The following DHX30 variants were observed in gnomAD, a reference collection of about 807,000 sequenced individuals.
The protein encoded by DHX30 is DExH-box helicase 30, also known as ATP-dependent RNA helicase DHX30.
A neutral mutation model predicts 116.9 loss-of-function variants in DHX30; 4 were observed. That is an observed-to-expected ratio of 0.03 (90% confidence interval 0.02 to 0.08). The LOEUF (loss-of-function observed/expected upper bound fraction) is 0.08, where lower values mean the gene tolerates loss of function less well. Among genes scored for constraint, DHX30 ranks in the 10% least tolerant of loss-of-function variants. The probability of loss-of-function intolerance (pLI) is 1.00; values close to 1 mark genes in which losing one functional copy is unlikely to be tolerated. For missense variants in DHX30, 871 were observed against 1,595.1 expected (o/e 0.55, Z 7.73); for synonymous variants, 697 against 651.7 (o/e 1.07, Z -1.06).
chr3:47,846,399 A>G lies in DHX30; in HGVS notation c.1327A>G (p.Ile443Val). The part of the protein sequence containing the change: ...QLPVDPHRDT[I>V]LNAIEQHPVV... The stretch of plus-strand genomic sequence containing the variant: ...ACCTGTGGACCCACATCGGGACACC[A>G]TCCTCAACGCCATTGAGCAGCACCC... The change falls in exon 11 of 22, where the codon ATC (isoleucine) becomes GTC (valine). Residue 443 changes from isoleucine to valine, a missense_variant. Around this residue, in one of 13 missense-constraint regions of DHX30, gnomAD observed 175 missense variants for 292.9 expected, o/e 0.60. Coordinates refer to ENST00000445061, the MANE Select transcript of DHX30 (RefSeq NM_138615.3). The G allele has an allele frequency of 6.2e-7, 1 of 1,614,122 alleles. No homozygotes were observed. Among genetic ancestry groups the G allele is most frequent in the Non-Finnish European group, 8.5e-7 (1 of 1,180,036 alleles).
At chr3:47,810,247 G>T (rs761329216) in intron 2 of DHX30, among the ~76,000 whole-genome samples, 1 of 152,144 alleles carries the variant, frequency 6.6e-6, no homozygotes, top group Non-Finnish European at 1.5e-5. Context: ...GGTCCATGTA[G>T]AATTTCGTTT....
chr3:47,842,710 A>T (rs2037436242), intron 8 of DHX30: 1 of 160,972 alleles, frequency 6.2e-6, no homozygotes, highest in Non-Finnish European at 1.4e-5. Context: ...AACTCGCCTA[A>T]GTACAACAGT....
chr3:47,816,427 G>A lies in DHX30; in HGVS notation c.29-1595G>A, dbSNP rs1019665844. The A allele has an allele frequency of 9.4e-5, 92 of 979,034 alleles. No individual in the cohort carries two copies. In the African/African-American group the frequency reaches 1.5e-3, roughly 16 times the overall value. 60.6% of individuals were successfully genotyped at this position (979,034 alleles called of 1,614,324 possible). On this transcript the variant is annotated intron_variant, in intron 3 of 21. Coordinates refer to ENST00000445061, the MANE Select transcript of DHX30 (RefSeq NM_138615.3). ...GGCTGGAGTGCAATGGCGCGATCTC[G>A]GCTCACTGCATCCTCCGCCTCCCGG...
At chr3:47,818,300 A>G (rs1272576100) in intron 4 of DHX30, among the ~76,000 whole-genome samples, 183 bp downstream of exon 4, 3 of 152,112 alleles carry the variant, frequency 2.0e-5, no homozygotes, top group African/African-American at 4.8e-5. Context: ...TTTTTTCATG[A>G]TCCCTTGACT....
intron 3 of DHX30, among the ~76,000 whole-genome samples, chr3:47,815,587 G>A (rs2036012608): frequency 6.6e-6 from 1 of 152,060 alleles, no homozygotes; most frequent in Non-Finnish European, 1.5e-5. Flanking sequence ...TAACAAAGCT[G>A]TTGGTAAGAA....
chr3:47,821,510 C>T (rs2036298516), intron 4 of DHX30, among the ~76,000 whole-genome samples: 1 of 151,166 alleles, frequency 6.6e-6, no homozygotes, highest in Non-Finnish European at 1.5e-5. Flanking sequence ...CTCAGGCAAT[C>T]TGCCCGCTTC....
chr3:47,824,053 A>T (rs2036422877), intron 4 of DHX30, among the ~76,000 whole-genome samples: 1 of 144,780 alleles, frequency 6.9e-6, no homozygotes, highest in Non-Finnish European at 1.5e-5. Flanking sequence ...CCCAGGCTGA[A>T]GTGCAGTGGC....
rs375862813 is a variant in DHX30 at position 47,848,569 on chromosome 3, G to A, written c.2575+19G>A. On this transcript the variant is annotated intron_variant, in intron 16 of 21. Transcript: ENST00000445061. The surrounding 1 kb of genome is among the most constrained non-coding windows in gnomAD (Gnocchi z 9.4). The stretch of plus-strand genomic sequence containing the variant: ...GAGATCGGTATGTAGGGGCTGGGCT[G>A]GGCTGGGCTGGGGAGTGGCTCTCGA... 1.7e-5 allele frequency: 28 copies of A among 1,613,898 alleles called. No homozygotes were observed. The highest frequency in any genetic ancestry group is 2.4e-5 in the Non-Finnish European group (28 of 1,179,994).
intron 6 of DHX30, among the ~76,000 whole-genome samples, chr3:47,834,228 C>T (rs1307081664): frequency 2.6e-5 from 4 of 152,058 alleles, no homozygotes; most frequent in South Asian, 2.1e-4. Context: ...CTCAGCCTCC[C>T]GAGTAGCTGG....
chr3:47,828,025 A>AT (rs945492811), intron 5 of DHX30, among the ~76,000 whole-genome samples: 1 of 151,518 alleles, frequency 6.6e-6, no homozygotes, highest in Non-Finnish European at 1.5e-5. Context: ...CACTCGTCTA[A>AT]TTTTTTTTAT....
At chr3:47,845,548 C>A in intron 9 of DHX30, 152 bp from the exon 10 acceptor site, 1 of 791,360 alleles carries the variant, frequency 1.3e-6, no homozygotes, top group Non-Finnish European at 1.8e-6. Context: ...TTTCCTAGTT[C>A]ATAATTTCTC....
chr3:47,812,412 G>A (rs143706934), intron 3 of DHX30, among the ~76,000 whole-genome samples: 96 of 150,300 alleles, frequency 6.4e-4, no homozygotes, highest in African/African-American at 2.2e-3. Context: ...CAGAAAATTA[G>A]CTAGGCGTGG....
At position 47,829,006 on chromosome 3, in the gene DHX30, C is replaced by T; in HGVS notation, c.256-18C>T. ...TCTGGAGTGGCAAGACTTCTGATTT[C>T]TCTCTTCTCTTCCCCAGAAAGTCAC... is the stretch of plus-strand genomic sequence containing the variant. On this transcript the variant is annotated intron_variant, in intron 5 of 21. Coordinates refer to ENST00000445061, the MANE Select transcript of DHX30 (RefSeq NM_138615.3). 6.5e-7 allele frequency: 1 copy of T among 1,540,404 alleles called. No homozygotes were observed. Among genetic ancestry groups the T allele is most frequent in the Non-Finnish European group, 8.9e-7 (1 of 1,117,884 alleles).
At position 47,818,066 on chromosome 3, in the gene DHX30, C is replaced by T. The variant is rs370921443; in HGVS notation, c.73C>T (p.Arg25Cys). 10 of 780,934 alleles carry T rather than the reference C, an allele frequency of 1.3e-5. No homozygotes were observed. Among genetic ancestry groups the T allele is most frequent in the East Asian group, 2.4e-5 (1 of 41,258 alleles). 48.4% of individuals were successfully genotyped at this position (780,934 alleles called of 1,614,324 possible). A position where few individuals can be genotyped will look rare whatever the true frequency, so the allele number is the denominator to read the frequency against. ...GCGTCAGTGCAAACTTCCCCCACCC[C>T]GCCTTCCACCCATGTGTGTCAACCC... ...RQRQCKLPPP[R>C]LPPMCVNPTP... Residue 25 changes from arginine to cysteine, a missense_variant, in exon 4 of 22, where the codon CGC (arginine) becomes TGC (cysteine). Arg to Cys is a radical substitution (Grantham distance 180). Coordinates refer to ENST00000445061, the MANE Select transcript of DHX30 (RefSeq NM_138615.3).
chr3:47,843,282 G>T, intron 9 of DHX30, 27 bp downstream of exon 9: 1 of 1,612,132 alleles, frequency 6.2e-7, no homozygotes, highest in Middle Eastern at 1.7e-4. Context: ...CCTGGGTGTG[G>T]TGCATGAGAA....
At chr3:47,837,807 GCTC>G (rs1447885509) in intron 6 of DHX30, among the ~76,000 whole-genome samples, 2 of 152,216 alleles carry the variant, frequency 1.3e-5, no homozygotes, top group Admixed American at 1.3e-4. Flanking sequence ...TGCACGGACA[GCTC>G]CTGGACAGTT....
At chr3:47,825,592 C>T (rs1559699247) in intron 4 of DHX30, among the ~76,000 whole-genome samples, 1 of 152,158 alleles carries the variant, frequency 6.6e-6, no homozygotes, top group African/African-American at 2.4e-5. Context: ...AGAAATAGCC[C>T]AAAGTAACTC....
At position 47,843,126 on chromosome 3, in the gene DHX30, T is replaced by A; in HGVS notation, c.810T>A (p.Thr270=). 6.2e-7 allele frequency: 1 copy of A among 1,614,246 alleles called. No individual in the cohort carries two copies. Among genetic ancestry groups the A allele is most frequent in the South Asian group, 1.1e-5 (1 of 91,088 alleles). The change falls in exon 9 of 22, where the codon ACT becomes ACA. Residue 270 remains threonine (T), a synonymous_variant. Transcript: ENST00000445061. ...STAKNLMQFH[T]VGTKTKLSTL... is the part of the protein sequence containing the mutation. ...TGTAGAACCTCATGCAGTTCCATACTGTGGGCACCAAGACCAAGCTGTCTA... is the reference window on the plus strand; with the variant it reads ...TGTAGAACCTCATGCAGTTCCATACAGTGGGCACCAAGACCAAGCTGTCTA...
chr3:47,836,849 G>C (rs1028998332), intron 6 of DHX30, among the ~76,000 whole-genome samples: 3 of 152,088 alleles, frequency 2.0e-5, no homozygotes, highest in African/African-American at 7.2e-5. Context: ...GATCCTAATG[G>C]GTGTGAGATG....
Sources: gnomAD v4.1 joint callset for allele counts (sites outside exome capture counted in the v4.1 genomes callset) on GRCh38, gnomAD v4.1.1 for gene constraint, gnomAD v4.1.1 regional missense constraint, Gnocchi (gnomAD v3.1) non-coding constraint, MANE v1.5 for transcripts, NCBI Gene and HGNC (gene_info 2026-07-23, HGNC 2026-07-21) for gene names.